Variants in CDK19 observed in about 807,000 individuals in gnomAD.
The protein encoded by CDK19 is cyclin dependent kinase 19.
CDK19 carries 20 observed loss-of-function variants against 68.3 expected under a neutral mutation model. The ratio of observed to expected loss-of-function variants is 0.29; its 90% CI spans 0.21 to 0.43. The LOEUF is 0.43. Among genes scored for constraint, CDK19 ranks in the 20% least tolerant of loss-of-function variants. CDK19 has a pLI of 1.00. For synonymous variants in CDK19, 221 were observed against 222.8 expected, an observed-to-expected ratio of 0.99 and a Z score of 0.07; for missense variants, 339 against 623.5, an observed-to-expected ratio of 0.54 and a Z score of 4.86.
At chr6:110,659,236 G>A (rs1023718617) in intron 4 of CDK19, among the ~76,000 whole-genome samples, 3 of 152,218 alleles carry the variant, frequency 2.0e-5, no homozygotes, top group Non-Finnish European at 2.9e-5. Context: ...CTTATGAAGA[G>A]AAGCTATGCT....
intron 2 of CDK19, among the ~76,000 whole-genome samples, chr6:110,724,917 GA>G (rs1776217061): frequency 6.6e-6 from 1 of 152,138 alleles, no homozygotes; most frequent in Non-Finnish European, 1.5e-5. Context: ...ACAGATATGG[GA>G]AGGGTACCAG....
At chr6:110,768,326 T>C (rs980651516) in intron 1 of CDK19, among the ~76,000 whole-genome samples, 2 of 152,198 alleles carry the variant, frequency 1.3e-5, no homozygotes, top group Non-Finnish European at 2.9e-5. Flanking sequence ...GGAAGACAGT[T>C]TGGCAGTTTC....
chr6:110,647,215 C>T (rs531918289), intron 4 of CDK19, among the ~76,000 whole-genome samples: 2 of 152,138 alleles, frequency 1.3e-5, no homozygotes, highest in African/African-American at 4.8e-5. Flanking sequence ...TCGAAGCATG[C>T]GACGGTGTCT....
At chr6:110,790,051 G>T (rs1693580838) in intron 1 of CDK19, among the ~76,000 whole-genome samples, 1 of 152,144 alleles carries the variant, frequency 6.6e-6, no homozygotes, top group African/African-American at 2.4e-5. Flanking sequence ...AGCTATTCAT[G>T]TACTCAGCAC....
At chr6:110,644,288 T>C (rs1180184262) in intron 4 of CDK19, among the ~76,000 whole-genome samples, 1 of 145,344 alleles carries the variant, frequency 6.9e-6, no homozygotes, top group African/African-American at 2.6e-5. Flanking sequence ...CGAGACTTCA[T>C]CTCAAAAAAA....
intron 1 of CDK19, among the ~76,000 whole-genome samples, chr6:110,766,308 C>T (rs1779580071): frequency 6.6e-6 from 1 of 152,212 alleles, no homozygotes; most frequent in African/African-American, 2.4e-5. Flanking sequence ...GGCATGGTGG[C>T]TCACACCTGT....
intron 3 of CDK19, among the ~76,000 whole-genome samples, chr6:110,668,763 C>T (rs545643613): frequency 4.0e-5 from 6 of 150,272 alleles, no homozygotes; most frequent in African/African-American, 9.8e-5. Context: ...ACCCAGAAGG[C>T]GGAGGTTGCA....
At chr6:110,780,733 G>T (rs1266180632) in intron 1 of CDK19, among the ~76,000 whole-genome samples, 1 of 152,062 alleles carries the variant, frequency 6.6e-6, no homozygotes, top group African/African-American at 2.4e-5. Context: ...AATACTGAAT[G>T]ATGAGCTGCT....
At chr6:110,762,040 G>A (rs892880793) in intron 1 of CDK19, among the ~76,000 whole-genome samples, 5 of 152,130 alleles carry the variant, frequency 3.3e-5, no homozygotes, top group African/African-American at 1.2e-4. Context: ...TGAATTTGGG[G>A]ACTGATAACT....
At chr6:110,629,534 T>G (rs9481090) in intron 6 of CDK19, among the ~76,000 whole-genome samples, 1 of 152,308 alleles carries the variant, frequency 6.6e-6, no homozygotes, top group African/African-American at 2.4e-5. Context: ...TTTGTATTTT[T>G]GGTAGAGACG....
intron 1 of CDK19, chr6:110,813,747 C>G (rs1301963621): frequency 6.6e-6 from 1 of 152,212 alleles, no homozygotes; most frequent in African/African-American, 2.4e-5. Flanking sequence ...TGCATACGCA[C>G]ACAACGTACT....
chr6:110,682,362 G>A (rs1377125873), intron 2 of CDK19, among the ~76,000 whole-genome samples: 3 of 152,214 alleles, frequency 2.0e-5, no homozygotes, highest in Admixed American at 2.0e-4. Flanking sequence ...GAAGTAGGGT[G>A]TTTTATGGCA....
chr6:110,796,736 C>T (rs559666657), intron 1 of CDK19, among the ~76,000 whole-genome samples: 1 of 151,322 alleles, frequency 6.6e-6, no homozygotes, highest in East Asian at 2.0e-4. Flanking sequence ...TGGCCAGGCA[C>T]GGTGACTCAC....
chr6:110,699,241 A>G (rs987615741), intron 2 of CDK19, among the ~76,000 whole-genome samples: 1 of 151,942 alleles, frequency 6.6e-6, no homozygotes, highest in African/African-American at 2.4e-5. Context: ...CCTCGACAAC[A>G]TGGTGAAACC....
intron 1 of CDK19, among the ~76,000 whole-genome samples, chr6:110,772,996 G>A (rs534813968): frequency 7.9e-4 from 119 of 150,376 alleles, no homozygotes; most frequent in African/African-American, 2.6e-3. Context: ...CGGGCAGATC[G>A]CTTGAGCCCA....
chr6:110,690,214 C>G (rs1772861012), intron 2 of CDK19, among the ~76,000 whole-genome samples: 1 of 152,186 alleles, frequency 6.6e-6, no homozygotes, highest in Non-Finnish European at 1.5e-5. Context: ...GACTGCATCC[C>G]CACAGGAGGA....
chr6:110,670,236 A>G (rs1042990783), intron 3 of CDK19, among the ~76,000 whole-genome samples, 195 bp downstream of exon 3: 1 of 143,584 alleles, frequency 7.0e-6, no homozygotes, highest in South Asian at 2.1e-4. Context: ...TCTAAATATT[A>G]CAAATACTAT....
chr6:110,811,271 T>C (rs2115160773), intron 1 of CDK19, among the ~76,000 whole-genome samples: 1 of 152,366 alleles, frequency 6.6e-6, no homozygotes, highest in African/African-American at 2.4e-5. Flanking sequence ...AATACTATTG[T>C]ACCTATTAGC....
chr6:110,671,583 T>C (rs1771015228), intron 2 of CDK19, among the ~76,000 whole-genome samples: 1 of 152,156 alleles, frequency 6.6e-6, no homozygotes, highest in Non-Finnish European at 1.5e-5. Flanking sequence ...GTGATAAAAA[T>C]AACATGACCA....
Sources: allele counts gnomAD v4.1 joint callset (sites outside exome capture counted in the v4.1 genomes callset), GRCh38; gene constraint gnomAD v4.1.1; transcripts MANE v1.5; gene names NCBI Gene and HGNC (gene_info 2026-07-23, HGNC 2026-07-21).